The following OCA2 variants were observed in gnomAD, a reference collection of about 807,000 sequenced individuals.
OCA2 encodes OCA2 melanosomal transmembrane protein, also known as P protein.
In OCA2, 77 loss-of-function variants were observed where a neutral mutation model predicts 100.2. That is an observed-to-expected ratio of 0.77 (90% confidence interval 0.64 to 0.93). The LOEUF is 0.93. OCA2 is among the 40% of genes least tolerant of loss of function. The pLI is 0.00. For missense variants in OCA2, 1,062 were observed against 1,089.1 expected, an observed-to-expected ratio of 0.98 and a Z score of 0.35; for synonymous variants, 432 against 439.2, an observed-to-expected ratio of 0.98 and a Z score of 0.21.
At chr15:27,999,564 G>A (rs1482360078) in intron 9 of OCA2, among the ~76,000 whole-genome samples, 1 of 152,188 alleles carries the variant, frequency 6.6e-6, no homozygotes, top group Non-Finnish European at 1.5e-5. Context: ...ACAAGACAAG[G>A]ATGCTCACTC....
intron 23 of OCA2, among the ~76,000 whole-genome samples, chr15:27,761,118 T>C (rs1440170209): frequency 2.6e-5 from 4 of 151,542 alleles, no homozygotes; most frequent in East Asian, 3.9e-4. Flanking sequence ...TAGACTAAAA[T>C]AGATGAAATA....
chr15:27,943,375 A>G (rs2039717788), intron 18 of OCA2, among the ~76,000 whole-genome samples: 1 of 152,166 alleles, frequency 6.6e-6, no homozygotes, highest in African/African-American at 2.4e-5. Context: ...CATGACAGAC[A>G]GCAGGCCCTG....
rs76901922 is a variant in OCA2, at chr15:27,760,593, A to T, written c.2433-5121T>A. 7.2e-3 allele frequency among the ~76,000 whole-genome samples: 1,093 copies of T among 152,076 alleles called. 15 individuals are homozygous for T. Among genetic ancestry groups the T allele is most frequent in the African/African-American group, 0.025 (1,045 of 41,544 alleles). ...AGGACTGACAAGTAAAAAGAGAAAA[A>T]AGAGAAATGGTCAATATCAATGAAA... is the stretch of plus-strand genomic sequence containing the variant. On this transcript the variant is annotated intron_variant, in intron 23 of 23. Coordinates refer to ENST00000354638, the MANE Select transcript of OCA2 (RefSeq NM_000275.3).
intron 23 of OCA2, among the ~76,000 whole-genome samples, chr15:27,792,239 C>T (rs192853446): frequency 7.9e-5 from 12 of 152,252 alleles, no homozygotes; most frequent in Admixed American, 7.8e-4. Context: ...TCTTGCCTGC[C>T]TTTCTTCCTT....
intron 19 of OCA2, among the ~76,000 whole-genome samples, chr15:27,918,859 A>C (rs985307492): frequency 2.6e-5 from 4 of 152,234 alleles, no homozygotes; most frequent in Non-Finnish European, 5.9e-5. Flanking sequence ...CAACGAATAG[A>C]ATGAGAAGAC....
At chr15:28,037,414 G>A (rs1308998053) in intron 2 of OCA2, among the ~76,000 whole-genome samples, 1 of 152,086 alleles carries the variant, frequency 6.6e-6, no homozygotes, top group Non-Finnish European at 1.5e-5. Flanking sequence ...ATGCAGCAGT[G>A]ACCAGGAGGG....
At chr15:27,770,382 C>G (rs997998261) in intron 23 of OCA2, among the ~76,000 whole-genome samples, 1 of 152,214 alleles carries the variant, frequency 6.6e-6, no homozygotes, top group Non-Finnish European at 1.5e-5. Flanking sequence ...GACCTCCAGC[C>G]GTGTGTGGCG....
intron 19 of OCA2, among the ~76,000 whole-genome samples, chr15:27,909,354 C>T (rs992182769): frequency 6.6e-6 from 1 of 152,062 alleles, no homozygotes; most frequent in African/African-American, 2.4e-5. Context: ...TCAATGCAAT[C>T]TTGATCAAAA....
At chr15:28,009,242 C>T (rs1172076922) in intron 9 of OCA2, among the ~76,000 whole-genome samples, 1 of 152,166 alleles carries the variant, frequency 6.6e-6, no homozygotes, top group Non-Finnish European at 1.5e-5. Flanking sequence ...AACAAAAGGT[C>T]AGTGTTGGGT....
intron 11 of OCA2, among the ~76,000 whole-genome samples, chr15:27,987,817 G>T (rs1410014296): frequency 6.6e-6 from 1 of 152,064 alleles, no homozygotes; most frequent in Non-Finnish European, 1.5e-5. Flanking sequence ...TCTATACTTT[G>T]TCAGGTTATG....
rs536280546 is a variant in OCA2 at position 27,831,900 on chromosome 15, TCTC to T, written c.2432+13056_2432+13058del. On this transcript the variant is annotated intron_variant, in intron 23 of 23. Transcript: ENST00000354638. ...AGCCCCAGCAGGGTGTCTGCATCCT[TCTC>T]CTCTTTATCCCCATAGATAGCACCC... Among the ~76,000 whole-genome samples, 13 of 152,104 alleles carry T rather than the reference TCTC, an allele frequency of 8.5e-5. No homozygotes were observed. In the South Asian group the frequency reaches 2.7e-3, roughly 32 times the overall value.
At chr15:27,974,535 G>A (rs2040904584) in intron 14 of OCA2, among the ~76,000 whole-genome samples, 1 of 152,214 alleles carries the variant, frequency 6.6e-6, no homozygotes, top group African/African-American at 2.4e-5. Flanking sequence ...GGGAGGCCGA[G>A]GCAGATGGAT....
the OCA2 span, among the ~76,000 whole-genome samples, chr15:27,747,362 A>C: frequency 6.6e-6 from 1 of 152,262 alleles, no homozygotes; most frequent in Non-Finnish European, 1.5e-5. Flanking sequence ...ATTCTGGACT[A>C]AGCTACTTTG....
chr15:27,794,623 A>G (rs1341233795), intron 23 of OCA2, among the ~76,000 whole-genome samples: 1 of 152,182 alleles, frequency 6.6e-6, no homozygotes, highest in Non-Finnish European at 1.5e-5. Flanking sequence ...TACGTTAGAT[A>G]AAAGGAAGTG....
chr15:27,779,465 T>C (rs1223869487), intron 23 of OCA2, among the ~76,000 whole-genome samples: 7 of 152,236 alleles, frequency 4.6e-5, no homozygotes, highest in Non-Finnish European at 8.8e-5. Context: ...TATATATTTA[T>C]AATTGTTATA....
chr15:28,049,173 A>C (rs1420273008), intron 2 of OCA2, among the ~76,000 whole-genome samples: 1 of 152,228 alleles, frequency 6.6e-6, no homozygotes, highest in Non-Finnish European at 1.5e-5. Context: ...AAAGACTTAC[A>C]TGAACAGTTC....
In OCA2 at chr15:28,018,530, G is replaced by A. The variant is rs1190540714; in HGVS notation, c.674C>T (p.Ser225Phe). The change falls in exon 7 of 24, where the codon TCC (serine) becomes TTC (phenylalanine). Residue 225 changes from serine (S) to phenylalanine (F), a missense_variant. Coordinates refer to ENST00000354638, the MANE Select transcript of OCA2 (RefSeq NM_000275.3). ...TGCCAGGTCCACCTGCAGCAGCGTG[G>A]AGTCCACGTGGCTGCTAAGGTTCAC... is the stretch of plus-strand genomic sequence containing the variant. ...YSVNLSSHVD[S>F]TLLQVDLAGA... 1.9e-6 allele frequency: 3 copies of A among 1,613,544 alleles called. No homozygotes were observed. The African/African-American group carries it at 4.0e-5, about 22-fold the overall frequency.
At chr15:28,064,655 T>C (rs750466290) in intron 2 of OCA2, among the ~76,000 whole-genome samples, 4 of 152,100 alleles carry the variant, frequency 2.6e-5, no homozygotes, top group Non-Finnish European at 4.4e-5. Context: ...GATAGACTCA[T>C]TTTGTTCATA....
intron 23 of OCA2, among the ~76,000 whole-genome samples, chr15:27,772,581 G>T (rs528655416): frequency 6.6e-6 from 1 of 152,160 alleles, no homozygotes; most frequent in South Asian, 2.1e-4. Flanking sequence ...GGTGGCTCAC[G>T]CCTGTAATCC....
Sources: allele counts gnomAD v4.1 joint callset (sites outside exome capture counted in the v4.1 genomes callset), GRCh38; gene constraint gnomAD v4.1.1; transcripts MANE v1.5; gene names NCBI Gene and HGNC (gene_info 2026-07-23, HGNC 2026-07-21).